LRRN1: variants seen among roughly 807,000 people sequenced by gnomAD.
The protein encoded by LRRN1 is leucine-rich repeat neuronal protein 1.
LRRN1 carries 14 observed loss-of-function variants against 45.8 expected under a neutral mutation model. The observed-to-expected ratio is 0.31, with a 90% CI of 0.20 to 0.48. The LOEUF (loss-of-function observed/expected upper bound fraction) is 0.48. LRRN1 is among the 20% of genes least tolerant of loss of function. The pLI is 0.99. For synonymous variants in LRRN1, 359 were observed against 330.1 expected (o/e 1.09, Z -0.95); for missense variants, 789 against 874.2 (o/e 0.90, Z 1.23).
In LRRN1 at chr3:3,847,372, CT is replaced by C. The variant is rs1418028472; in HGVS notation, c.*585del. The stretch of plus-strand genomic sequence containing the variant: ...TGTTTGCCTTTAAACAATGAATTTT[CT>C]TTTTCTTTCCTTTTTTTTTTTTTTG... On this transcript the variant is annotated 3_prime_UTR_variant, in exon 2 of 2. Transcript: ENST00000319331. The C allele has an allele frequency of 1.9e-5, 2 of 105,124 alleles. No individual in the cohort carries two copies. The highest frequency in any genetic ancestry group is 7.9e-5 in the African/African-American group (2 of 25,390). 6.5% of individuals were successfully genotyped at this position (105,124 alleles called of 1,614,324 possible).
At chr3:3,808,779 AAAAT>A (rs1202175806) in intron 1 of LRRN1, among the ~76,000 whole-genome samples, 4 of 103,392 alleles carry the variant, frequency 3.9e-5, no homozygotes, top group Non-Finnish European at 1.0e-4. Flanking sequence ...AAGTCTATGT[AAAAT>A]AAATCACTTT....
chr3:3,803,482 A>T (rs1383501165), intron 1 of LRRN1, among the ~76,000 whole-genome samples: 1 of 152,216 alleles, frequency 6.6e-6, no homozygotes, highest in African/African-American at 2.4e-5. Context: ...TTTCAGCACT[A>T]ATGTCAGGTT....
In LRRN1 at chr3:3,816,059, A is replaced by G. The variant is rs1284054627; in HGVS notation, c.-279+16140A>G. Among the ~76,000 whole-genome samples the G allele has an allele frequency of 6.6e-6, 1 of 151,938 alleles. No homozygotes were observed. Among genetic ancestry groups the G allele is most frequent in the African/African-American group, 2.4e-5 (1 of 41,212 alleles). ...TGGATTCTTTTGTATTTTAATGGTT[A>G]TGAAGGACAATATGGATATTCAACT... On this transcript the variant is annotated intron_variant, in intron 1 of 1. Transcript: ENST00000319331. This position sits in a 1 kb window ranked among gnomAD's most constrained non-coding sequence, Gnocchi z 4.0.
At chr3:3,815,092 C>T (rs909153582) in intron 1 of LRRN1, among the ~76,000 whole-genome samples, 1 of 152,086 alleles carries the variant, frequency 6.6e-6, no homozygotes, top group African/African-American at 2.4e-5. Flanking sequence ...TAGGAACCAT[C>T]CTACCTTCCT....
At chr3:3,812,907 C>T (rs749077035) in intron 1 of LRRN1, among the ~76,000 whole-genome samples, 17 of 150,340 alleles carry the variant, frequency 1.1e-4, no homozygotes, top group Non-Finnish European at 2.4e-4. Context: ...CACATAGTGT[C>T]TAGTAAGTTA....
chr3:3,809,395 C>T (rs539356006), intron 1 of LRRN1, among the ~76,000 whole-genome samples: 6 of 152,308 alleles, frequency 3.9e-5, no homozygotes, highest in South Asian at 2.1e-4. Context: ...CCACCTGCCT[C>T]GGTCTCCCAA....
At chr3:3,805,758 G>A (rs570038170) in intron 1 of LRRN1, among the ~76,000 whole-genome samples, 2 of 152,194 alleles carry the variant, frequency 1.3e-5, no homozygotes, top group African/African-American at 4.8e-5. Context: ...CCTCACCTGG[G>A]CCCGCTTGAG....
intron 1 of LRRN1, among the ~76,000 whole-genome samples, chr3:3,843,782 C>T (rs1302373957): frequency 1.3e-5 from 2 of 152,134 alleles, no homozygotes; most frequent in African/African-American, 2.4e-5. Flanking sequence ...AAAGCATTGG[C>T]TGAATATGTC....
chr3:3,814,103 T>A (rs1692938358), intron 1 of LRRN1, among the ~76,000 whole-genome samples: 1 of 151,008 alleles, frequency 6.6e-6, no homozygotes, highest in Non-Finnish European at 1.5e-5. Context: ...TTCTTCTTTG[T>A]TCCTGTCAAC....
intron 1 of LRRN1, among the ~76,000 whole-genome samples, chr3:3,832,662 T>C (rs1196459764): frequency 6.6e-6 from 1 of 152,186 alleles, no homozygotes; most frequent in Non-Finnish European, 1.5e-5. Context: ...TTGTTGGTAA[T>C]GTAGTGGGGT....
At position 3,846,835 on chromosome 3, in the gene LRRN1, G is replaced by GT. The variant is rs1285481479; in HGVS notation, c.*48dup. ...TTCTGGTAGTAAGGAGCACAAAGAC[G>GT]TTTTTGCTTTATTCTGCAAAAGTGA... is the stretch of plus-strand genomic sequence containing the variant. On this transcript the variant is annotated 3_prime_UTR_variant, in exon 2 of 2. Transcript: ENST00000319331. This position sits in a 1 kb window ranked among gnomAD's most constrained non-coding sequence, Gnocchi z 5.7. 4.7e-6 allele frequency: 7 copies of GT among 1,483,262 alleles called. No homozygotes were observed. In the African/African-American group the frequency reaches 7.1e-5, roughly 15 times the overall value. 91.9% of individuals were successfully genotyped at this position (1,483,262 alleles called of 1,614,324 possible).
intron 1 of LRRN1, among the ~76,000 whole-genome samples, chr3:3,815,053 C>T (rs1384133819): frequency 1.3e-5 from 2 of 152,038 alleles, no homozygotes; most frequent in African/African-American, 4.8e-5. Context: ...GAGAAAACTC[C>T]TTAGTGAAGC....
intron 1 of LRRN1, among the ~76,000 whole-genome samples, chr3:3,830,466 C>G: frequency 6.6e-6 from 1 of 152,228 alleles, no homozygotes; most frequent in East Asian, 1.9e-4. Flanking sequence ...CCACCGCTGT[C>G]CTTTAGGGAT....
At chr3:3,805,837 T>C (rs1692739954) in intron 1 of LRRN1, among the ~76,000 whole-genome samples, 1 of 152,214 alleles carries the variant, frequency 6.6e-6, no homozygotes, top group South Asian at 2.1e-4. Flanking sequence ...CTCACAAGTA[T>C]ATATTGAGCA....
chr3:3,800,576 C>T (rs1575274525), intron 1 of LRRN1: 1 of 146,392 alleles, frequency 6.8e-6, no homozygotes, highest in African/African-American at 2.5e-5. Context: ...GAGCTCCACG[C>T]GGGGACAGAC....
Position 3,844,929 on chromosome 3 carries a change from C to G in LRRN1, c.288C>G (p.Asn96Lys), listed in dbSNP as rs1693729245. Reference sequence around the variant, plus strand: ...TGGATGAGCTGCAGCAGCTTTTCAACTTGACTGAACTAGATTTCTCCCAAA... The same window carrying G: ...TGGATGAGCTGCAGCAGCTTTTCAAGTTGACTGAACTAGATTTCTCCCAAA... ...KTVDELQQLF[N>K]LTELDFSQNN... The change falls in exon 2 of 2, where the codon AAC (asparagine) becomes AAG (lysine). Residue 96 changes from asparagine (N) to lysine (K), a missense_variant. Coordinates refer to ENST00000319331, the MANE Select transcript of LRRN1 (RefSeq NM_020873.7). 1 of 1,614,132 alleles carries G rather than the reference C, an allele frequency of 6.2e-7. No homozygotes were observed. The highest frequency in any genetic ancestry group is 1.6e-4 in the Middle Eastern group (1 of 6,062).
chr3:3,808,586 T>C (rs535563029), intron 1 of LRRN1, among the ~76,000 whole-genome samples: 2 of 152,288 alleles, frequency 1.3e-5, no homozygotes, highest in South Asian at 2.1e-4. Context: ...TTGTGAATGA[T>C]AGGGGAAGAG....
intron 1 of LRRN1, among the ~76,000 whole-genome samples, chr3:3,834,787 G>C (rs554289284): frequency 6.6e-6 from 1 of 151,250 alleles, no homozygotes; most frequent in African/African-American, 2.4e-5. Context: ...AGGCTGGGAG[G>C]CTAGGCCCAT....
At chr3:3,826,505 G>A (rs530992271) in intron 1 of LRRN1, among the ~76,000 whole-genome samples, 2 of 152,196 alleles carry the variant, frequency 1.3e-5, no homozygotes, top group East Asian at 3.9e-4. Context: ...CGCCCTGCTT[G>A]GTGATGAATA....
Sources: gnomAD v4.1 joint callset for allele counts (sites outside exome capture counted in the v4.1 genomes callset) on GRCh38, gnomAD v4.1.1 for gene constraint, Gnocchi (gnomAD v3.1) non-coding constraint, MANE v1.5 for transcripts, NCBI Gene and HGNC (gene_info 2026-07-23, HGNC 2026-07-21) for gene names.